The following LIPG variants were observed in gnomAD, a reference collection of about 807,000 sequenced individuals.
The protein encoded by LIPG is endothelial lipase.
In LIPG, 34 loss-of-function variants were observed where a neutral mutation model predicts 51.8. The ratio of observed to expected loss-of-function variants is 0.66; its 90% CI spans 0.50 to 0.87. The LOEUF is 0.87. LIPG is among the 40% of genes least tolerant of loss of function. The pLI is 0.00. For missense variants in LIPG, 580 were observed against 652.7 expected (o/e 0.89, Z 1.21); for synonymous variants, 246 against 246.1 (o/e 1.00, Z 0.00).
chr18:49,594,669 A>G lies in LIPG; in HGVS notation c.*4147A>G, dbSNP rs2084972222. 6.6e-6 allele frequency: 1 copy of G among 152,224 alleles called. No individual in the cohort carries two copies. The highest frequency in any genetic ancestry group is 2.4e-5 in the African/African-American group (1 of 41,464). 9.4% of individuals were successfully genotyped at this position (152,224 alleles called of 1,614,324 possible). The stretch of plus-strand genomic sequence containing the variant: ...ACTATGAAGTATAATGCATTACATC[A>G]GTTTGACTTTATTTCTGGTCTTAAG... On this transcript the variant is annotated 3_prime_UTR_variant, in exon 10 of 10. Transcript: ENST00000261292.
chr18:49,596,009 A>G lies in LIPG; in HGVS notation c.*5487A>G, dbSNP rs1391018416. 1.3e-5 allele frequency: 2 copies of G among 152,190 alleles called. No homozygotes were observed. The highest frequency in any genetic ancestry group is 3.9e-4 in the East Asian group (2 of 5,190). 9.4% of individuals were successfully genotyped at this position (152,190 alleles called of 1,614,324 possible). A position where few individuals can be genotyped will look rare whatever the true frequency, so the allele number is the denominator to read the frequency against. On this transcript the variant is annotated 3_prime_UTR_variant, in exon 10 of 10. Transcript: ENST00000261292. ...CTATTTTAACACGCAACAAAGATGA[A>G]TTCCAAAATACCTATTGGGTACTAT...
chr18:49,581,751 G>T, intron 6 of LIPG, 94 bp downstream of exon 6: 1 of 1,458,912 alleles, frequency 6.9e-7, no homozygotes, highest in Non-Finnish European at 9.5e-7. Context: ...TAGCCCAGGA[G>T]AAGTGGCCAG....
chr18:49,581,960 G>C, intron 6 of LIPG: 1 of 589,376 alleles, frequency 1.7e-6, no homozygotes, highest in Non-Finnish European at 3.0e-6. Flanking sequence ...ATCATCACAA[G>C]AAACCTGAGG....
In LIPG at chr18:49,590,613, G is replaced by A. The variant is rs1214030547; in HGVS notation, c.*91G>A. Reference sequence around the variant, plus strand: ...AGTTACTGCTGAGGACCCACCCAATGGAAGGATTCTTCTCAGCCTTGACCC... The same window carrying A: ...AGTTACTGCTGAGGACCCACCCAATAGAAGGATTCTTCTCAGCCTTGACCC... On this transcript the variant is annotated 3_prime_UTR_variant, in exon 10 of 10. Transcript: ENST00000261292. 7 of 1,302,566 alleles carry A rather than the reference G, an allele frequency of 5.4e-6. No homozygotes were observed. Among genetic ancestry groups the A allele is most frequent in the East Asian group, 5.0e-5 (2 of 39,970 alleles). 80.7% of individuals were successfully genotyped at this position (1,302,566 alleles called of 1,614,324 possible).
At chr18:49,562,498 A>G (rs1446460323) in intron 1 of LIPG, 93 bp downstream of exon 1, 1 of 1,150,648 alleles carries the variant, frequency 8.7e-7, no homozygotes, top group Non-Finnish European at 1.3e-6. Flanking sequence ...TGTTCCTATG[A>G]AATTCTTCCT....
chr18:49,561,638 G>A (rs570672492), upstream of LIPG: 5 of 1,220,090 alleles, frequency 4.1e-6, no homozygotes, highest in Admixed American at 2.1e-4. Context: ...GGCCCAGGGA[G>A]CGGATAGACC....
In LIPG at chr18:49,565,366, G is replaced by A; in HGVS notation, c.147G>A (p.Val49=). The change falls in exon 2 of 10, where the codon GTG becomes GTA. Residue 49 remains valine, a synonymous_variant. Transcript: ENST00000261292. Reference sequence around the variant, plus strand: ...CACAGACTGAGGTCAAACCATCTGTGAGGTTTAACCTCCGCACCTCCAAGG... The same window carrying A: ...CACAGACTGAGGTCAAACCATCTGTAAGGTTTAACCTCCGCACCTCCAAGG... ...KATQTEVKPS[V]RFNLRTSKDP... is the part of the protein sequence containing the mutation. 1 of 1,614,186 alleles carries A rather than the reference G, an allele frequency of 6.2e-7. No homozygotes were observed. The highest frequency in any genetic ancestry group is 8.5e-7 in the Non-Finnish European group (1 of 1,180,040).
In LIPG at chr18:49,569,514, C is replaced by CA; in HGVS notation, c.539dup (p.Asn180LysfsTer21). 1 of 1,614,158 alleles carries CA rather than the reference C, an allele frequency of 6.2e-7. No individual in the cohort carries two copies. Among genetic ancestry groups the CA allele is most frequent in the South Asian group, 1.1e-5 (1 of 91,076 alleles). On this transcript the variant is annotated frameshift_variant, in exon 4 of 10. Coordinates refer to ENST00000261292, the MANE Select transcript of LIPG (RefSeq NM_006033.4). LOFTEE classifies it high-confidence loss of function. ...GAGCGCACGTGGCCGGGTATGCAGG[C>CA]AACTTCGTGAAAGGAACGGTGGGCC...
intron 5 of LIPG, among the ~76,000 whole-genome samples, chr18:49,579,995 G>T (rs1397769573): frequency 6.6e-6 from 1 of 151,942 alleles, no homozygotes; most frequent in East Asian, 1.9e-4. Context: ...TGTATTTTTA[G>T]TAGAGGTGGA....
At chr18:49,584,261 C>T (rs1335290778) in intron 8 of LIPG, among the ~76,000 whole-genome samples, 2 of 152,212 alleles carry the variant, frequency 1.3e-5, no homozygotes, top group Non-Finnish European at 2.9e-5. Flanking sequence ...ATTCTCTCTC[C>T]TTCAGAGGTT....
At chr18:49,575,903 A>G (rs2084711242) in intron 5 of LIPG, among the ~76,000 whole-genome samples, 1 of 150,296 alleles carries the variant, frequency 6.7e-6, no homozygotes, top group Non-Finnish European at 1.5e-5. Flanking sequence ...CAATGGTGCA[A>G]TCTCGGCTCA....
In LIPG at chr18:49,596,223, T is replaced by C. The variant is rs1350922078; in HGVS notation, c.*5701T>C. 1 of 152,176 alleles carries C rather than the reference T, an allele frequency of 6.6e-6. No homozygotes were observed. Among genetic ancestry groups the C allele is most frequent in the Non-Finnish European group, 1.5e-5 (1 of 68,034 alleles). 9.4% of individuals were successfully genotyped at this position (152,176 alleles called of 1,614,324 possible). On this transcript the variant is annotated 3_prime_UTR_variant, in exon 10 of 10. Coordinates refer to ENST00000261292, the MANE Select transcript of LIPG (RefSeq NM_006033.4). ...GTGAAAGTCATCATGCTAATAGATATTATGAAATATAAATTCAAAACCTGT... is the reference window on the plus strand; with the variant it reads ...GTGAAAGTCATCATGCTAATAGATACTATGAAATATAAATTCAAAACCTGT...
upstream of LIPG, chr18:49,561,525 C>A (rs2084549446): frequency 1.3e-5 from 6 of 474,330 alleles, no homozygotes; most frequent in Non-Finnish European, 2.0e-5. Context: ...GGTTATTGTG[C>A]GGCCGCGCCT....
rs562103340 is a variant in LIPG, at chr18:49,592,540, G to A, written c.*2018G>A. 2.0e-5 allele frequency: 3 copies of A among 153,446 alleles called. No homozygotes were observed. The highest frequency in any genetic ancestry group is 4.8e-5 in the African/African-American group (2 of 41,552). The allele number at this position is 153,446 out of a possible 1,614,324, so 9.5% of individuals were successfully genotyped here. On this transcript the variant is annotated 3_prime_UTR_variant, in exon 10 of 10. Transcript: ENST00000261292. The stretch of plus-strand genomic sequence containing the variant: ...ATGGTTTGTGGTAACTTATGTGAGG[G>A]GTTTTCCCATTTTTTGTCTTGTTGG...
rs1437811468 is a variant in LIPG, at chr18:49,569,694, G to T, written c.571+146G>T. The T allele has an allele frequency of 5.6e-6, 4 of 716,466 alleles. No homozygotes were observed. In the East Asian group the frequency reaches 8.2e-5, roughly 15 times the overall value. The allele number at this position is 716,466 out of a possible 1,614,324, so 44.4% of individuals were successfully genotyped here. On this transcript the variant is annotated intron_variant, in intron 4 of 9. Transcript: ENST00000261292. ...ATTCAAAACTTCCCAAGCGTTTTTAGTCACAAGAAACTTTTTTTTTTTTTT... is the reference window on the plus strand; with the variant it reads ...ATTCAAAACTTCCCAAGCGTTTTTATTCACAAGAAACTTTTTTTTTTTTTT...
In LIPG at chr18:49,590,662, T is replaced by A. The variant is rs894208857; in HGVS notation, c.*140T>A. On this transcript the variant is annotated 3_prime_UTR_variant, in exon 10 of 10. Transcript: ENST00000261292. ...CCTGGAGCACTGGGAACAACTGGTC[T>A]CCTGTGATGGCTGGGACTCCTCGCG... 1 of 880,880 alleles carries A rather than the reference T, an allele frequency of 1.1e-6. No homozygotes were observed. Among genetic ancestry groups the A allele is most frequent in the African/African-American group, 1.7e-5 (1 of 60,202 alleles). 54.6% of individuals were successfully genotyped at this position (880,880 alleles called of 1,614,324 possible). A position where few individuals can be genotyped will look rare whatever the true frequency, so the allele number is the denominator to read the frequency against.
Position 49,598,701 on chromosome 18 carries a change from A to C in LIPG, c.*8179A>C, listed in dbSNP as rs1233436431. On this transcript the variant is annotated 3_prime_UTR_variant, in exon 10 of 10. Coordinates refer to ENST00000261292, the MANE Select transcript of LIPG (RefSeq NM_006033.4). ...AAATCATCATGAAACTGAAAGCATT[A>C]CCACATCGAGATTGTGAACATACCA... The C allele has an allele frequency of 6.6e-6, 1 of 152,184 alleles. No homozygotes were observed. The highest frequency in any genetic ancestry group is 1.5e-5 in the Non-Finnish European group (1 of 68,052). The allele number at this position is 152,184 out of a possible 1,614,324, so 9.4% of individuals were successfully genotyped here.
At chr18:49,584,326 G>A (rs1342804032) in intron 8 of LIPG, among the ~76,000 whole-genome samples, 1 of 152,226 alleles carries the variant, frequency 6.6e-6, no homozygotes, top group African/African-American at 2.4e-5. Flanking sequence ...AGAATCCTCT[G>A]TGCCACACTA....
rs1272373412 is a variant in LIPG at position 49,592,273 on chromosome 18, G to T, written c.*1751G>T. The T allele has an allele frequency of 1.3e-5, 2 of 152,172 alleles. No individual in the cohort carries two copies. The highest frequency in any genetic ancestry group is 2.9e-5 in the Non-Finnish European group (2 of 68,028). 9.4% of individuals were successfully genotyped at this position (152,172 alleles called of 1,614,324 possible). A position where few individuals can be genotyped will look rare whatever the true frequency, so the allele number is the denominator to read the frequency against. On this transcript the variant is annotated 3_prime_UTR_variant, in exon 10 of 10. Coordinates refer to ENST00000261292, the MANE Select transcript of LIPG (RefSeq NM_006033.4). ...GTGTGCTTCTCTTGTTTCTGTGATT[G>T]CTTTCTAGCCAAAGCGAAGCTTGTA...
Sources: allele counts gnomAD v4.1 joint callset (sites outside exome capture counted in the v4.1 genomes callset), GRCh38; gene constraint gnomAD v4.1.1; transcripts MANE v1.5; gene names NCBI Gene and HGNC (gene_info 2026-07-23, HGNC 2026-07-21).